FBN1: variants seen among roughly 807,000 people sequenced by gnomAD.
The protein encoded by FBN1 is fibrillin 1.
Under a neutral mutation model 365.1 loss-of-function variants are expected in FBN1, and 29 were observed. The ratio of observed to expected loss-of-function variants is 0.08; its 90% confidence interval spans 0.06 to 0.11. The LOEUF is 0.11. FBN1 is among the 10% of genes least tolerant of loss of function. The pLI, the probability that FBN1 is intolerant of heterozygous loss-of-function variation, is 1.00. For missense variants in FBN1, 2,476 were observed against 3,703.2 expected, an observed-to-expected ratio of 0.67 and a Z score of 8.60; for synonymous variants, 1,210 against 1,270.5, an observed-to-expected ratio of 0.95 and a Z score of 1.01.
chr15:48,510,943 C>T (rs1035205139), intron 13 of FBN1, among the ~76,000 whole-genome samples: 2 of 152,168 alleles, frequency 1.3e-5, no homozygotes, highest in African/African-American at 4.8e-5. Flanking sequence ...TTTCTAGAAG[C>T]TACAAACCTG....
intron 32 of FBN1, among the ~76,000 whole-genome samples, chr15:48,478,981 C>T (rs1459609648): frequency 6.6e-6 from 1 of 152,142 alleles, no homozygotes; most frequent in Non-Finnish European, 1.5e-5. Context: ...AAATAGCATA[C>T]ATATTTTCAT....
Position 48,516,167 on chromosome 15 carries a change from A to G in FBN1, c.1327+16T>C. 6.2e-7 allele frequency: 1 copy of G among 1,611,074 alleles called. No individual in the cohort carries two copies. Among genetic ancestry groups the G allele is most frequent in the Non-Finnish European group, 8.5e-7 (1 of 1,177,446 alleles). On this transcript the variant is annotated intron_variant, in intron 11 of 65. Coordinates refer to ENST00000316623, the MANE Select transcript of FBN1 (RefSeq NM_000138.5). ...ACAATGCAAGAAAAATAACTAGATG[A>G]TTTTTGAATTCTTACTTGGTGGCTC...
intron 32 of FBN1, among the ~76,000 whole-genome samples, chr15:48,476,997 T>G (rs1283240411): frequency 6.6e-6 from 1 of 152,092 alleles, no homozygotes; most frequent in Admixed American, 6.5e-5. Context: ...AAAATATTGG[T>G]GAATATTAAC....
At chr15:48,505,607 G>A (rs867899751) in intron 15 of FBN1, among the ~76,000 whole-genome samples, 4 of 152,058 alleles carry the variant, frequency 2.6e-5, no homozygotes, top group African/African-American at 4.8e-5. Flanking sequence ...TGGCTCTCTG[G>A]GAAAATTCGC....
intron 54 of FBN1, among the ~76,000 whole-genome samples, chr15:48,434,177 AC>A (rs1391667588): frequency 6.6e-6 from 1 of 152,184 alleles, no homozygotes; most frequent in East Asian, 1.9e-4. Context: ...CCAAATGGCT[AC>A]AGGATGATGG....
intron 48 of FBN1, among the ~76,000 whole-genome samples, chr15:48,445,171 CACAT>C (rs1566898320): frequency 3.6e-5 from 5 of 138,948 alleles, no homozygotes; most frequent in African/African-American, 1.3e-4. Flanking sequence ...TATATATACA[CACAT>C]ATATATATGT....
intron 43 of FBN1, 91 bp downstream of exon 43, chr15:48,460,155 T>C: frequency 1.1e-6 from 1 of 900,444 alleles, no homozygotes; most frequent in Non-Finnish European, 1.9e-6. Flanking sequence ...TTAATATTTT[T>C]TTTCCTTTAA....
chr15:48,627,202 T>G (rs1249329272), intron 2 of FBN1, among the ~76,000 whole-genome samples: 1 of 152,140 alleles, frequency 6.6e-6, no homozygotes, highest in African/African-American at 2.4e-5. Context: ...TTTTACTAGG[T>G]TTGCAAAATA....
chr15:48,513,190 A>T (rs1302870007), intron 13 of FBN1, among the ~76,000 whole-genome samples: 1 of 152,214 alleles, frequency 6.6e-6, no homozygotes, highest in Non-Finnish European at 1.5e-5. Flanking sequence ...CTTTCCATTA[A>T]GAAATTAATT....
intron 6 of FBN1, among the ~76,000 whole-genome samples, chr15:48,576,797 C>T (rs898307107): frequency 6.6e-6 from 1 of 152,034 alleles, no homozygotes; most frequent in African/African-American, 2.4e-5. Flanking sequence ...TTAATAATGT[C>T]ATGGAAGAAC....
chr15:48,467,870 G>T, intron 38 of FBN1, 68 bp downstream of exon 38: 2 of 1,404,104 alleles, frequency 1.4e-6, no homozygotes, highest in Non-Finnish European at 2.0e-6. Flanking sequence ...GAAAAGGTTT[G>T]TCTTCTGATC....
At chr15:48,583,216 A>C (rs953048205) in intron 6 of FBN1, among the ~76,000 whole-genome samples, 2 of 152,098 alleles carry the variant, frequency 1.3e-5, no homozygotes, top group African/African-American at 4.8e-5. Flanking sequence ...ATAAACTCAC[A>C]CCTCCTCTCT....
chr15:48,442,774 C>T (rs890484963), intron 49 of FBN1, among the ~76,000 whole-genome samples: 1 of 152,210 alleles, frequency 6.6e-6, no homozygotes, highest in Non-Finnish European at 1.5e-5. Flanking sequence ...TCTATTCCAA[C>T]AAACTCACTT....
In FBN1 at chr15:48,510,096, A is replaced by G; in HGVS notation, c.1662T>C (p.His554=). The G allele has an allele frequency of 6.2e-7, 1 of 1,613,542 alleles. No homozygotes were observed. Among genetic ancestry groups the G allele is most frequent in the Non-Finnish European group, 8.5e-7 (1 of 1,179,632 alleles). ...GRCINTDGSF[H]CVCNAGFHVT... ...CATGAAAGCCCGCATTACACACGCA[A>G]TGAAAACTGCCATCTGTGTTGATGC... Residue 554 remains histidine, a synonymous_variant, in exon 14 of 66, where the codon CAT becomes CAC. Transcript: ENST00000316623.
rs574248699 is a variant in FBN1 at position 48,458,134 on chromosome 15, T to C, written c.5297-1372A>G. On this transcript the variant is annotated intron_variant, in intron 43 of 65. Coordinates refer to ENST00000316623, the MANE Select transcript of FBN1 (RefSeq NM_000138.5). ...AATTCACTAGTTTCTATGACTGTTG[T>C]TGAGATACGTTGTTTACTTATTATA... Among the ~76,000 whole-genome samples, 4 of 152,348 alleles carry C rather than the reference T, an allele frequency of 2.6e-5. No individual in the cohort carries two copies. In the South Asian group the frequency reaches 6.2e-4, roughly 24 times the overall value.
chr15:48,603,837 C>G (rs1026146625), intron 4 of FBN1, among the ~76,000 whole-genome samples: 1 of 152,176 alleles, frequency 6.6e-6, no homozygotes, highest in Admixed American at 6.5e-5. Context: ...TCCTAGGGTC[C>G]CAGTGAGGAC....
chr15:48,620,844 A>G (rs1889752449), intron 2 of FBN1, among the ~76,000 whole-genome samples: 1 of 152,162 alleles, frequency 6.6e-6, no homozygotes, highest in Non-Finnish European at 1.5e-5. Flanking sequence ...ATTCAATAAA[A>G]GGAATCAGGG....
intron 2 of FBN1, among the ~76,000 whole-genome samples, chr15:48,615,914 T>C (rs1889642461): frequency 6.6e-6 from 1 of 152,200 alleles, no homozygotes; most frequent in African/African-American, 2.4e-5. Flanking sequence ...TTCAACCTAG[T>C]TACCTTAAGA....
rs2043403128 is a variant in FBN1 at position 48,474,395 on chromosome 15, T to C, written c.4088-18A>G. 1 of 1,614,058 alleles carries C rather than the reference T, an allele frequency of 6.2e-7. No individual in the cohort carries two copies. Among genetic ancestry groups the C allele is most frequent in the African/African-American group, 1.3e-5 (1 of 75,048 alleles). ...GTCCAGATCTTATAGAAAAAGGTTA[T>C]ATCATTATTAACAGAAAGGGTGGTA... On this transcript the variant is annotated intron_variant, in intron 33 of 65. Transcript: ENST00000316623.
Sources: allele counts gnomAD v4.1 joint callset (sites outside exome capture counted in the v4.1 genomes callset), GRCh38; gene constraint gnomAD v4.1.1; transcripts MANE v1.5; gene names NCBI Gene and HGNC (gene_info 2026-07-23, HGNC 2026-07-21).